Variants in TASP1 observed in about 807,000 individuals in gnomAD.
TASP1 encodes taspase 1, also known as threonine aspartase 1.
A neutral mutation model predicts 56.6 loss-of-function variants in TASP1; 16 were observed. The observed-to-expected ratio is 0.28, with a 90% CI of 0.19 to 0.43. The LOEUF is 0.43. Among genes scored for constraint, TASP1 ranks in the 20% least tolerant of loss-of-function variants. The probability of loss-of-function intolerance (pLI) is 1.00; values close to 1 mark genes in which losing one functional copy is unlikely to be tolerated. For missense variants in TASP1, 393 were observed against 511.6 expected, an observed-to-expected ratio of 0.77 and a Z score of 2.24; for synonymous variants, 179 against 184.2, an observed-to-expected ratio of 0.97 and a Z score of 0.23.
chr20:13,266,355 A>G, the TASP1 span, among the ~76,000 whole-genome samples: 1 of 152,204 alleles, frequency 6.6e-6, no homozygotes, highest in African/African-American at 2.4e-5. Context: ...AGGAGCACCA[A>G]GCAGTAGCTA....
chr20:13,139,884 G>A, the TASP1 span, among the ~76,000 whole-genome samples: 2 of 152,182 alleles, frequency 1.3e-5, no homozygotes, highest in African/African-American at 4.8e-5. Context: ...ACTGAATATG[G>A]ATCTCTCCTC....
chr20:13,450,848 T>C (rs1161046547), intron 11 of TASP1, among the ~76,000 whole-genome samples: 2 of 152,092 alleles, frequency 1.3e-5, no homozygotes, highest in East Asian at 3.9e-4. Flanking sequence ...TGACCCAGAT[T>C]TCAAAAGCAA....
the TASP1 span, among the ~76,000 whole-genome samples, chr20:13,183,758 G>T: frequency 6.6e-6 from 1 of 152,252 alleles, no homozygotes; most frequent in East Asian, 1.9e-4. Flanking sequence ...GACCGGGCGT[G>T]GTGGCTCACG....
At chr20:13,206,583 G>A in the TASP1 span, among the ~76,000 whole-genome samples, 1 of 152,140 alleles carries the variant, frequency 6.6e-6, no homozygotes, top group Non-Finnish European at 1.5e-5. Context: ...GAGGGAGGAA[G>A]GCCTGCACAA....
At chr20:13,178,441 A>G in the TASP1 span, among the ~76,000 whole-genome samples, 2 of 152,144 alleles carry the variant, frequency 1.3e-5, no homozygotes, top group African/African-American at 4.8e-5. Context: ...CGGAAGAGAC[A>G]TATGCACTCC....
At chr20:13,627,974 A>G (rs1176009149) in intron 2 of TASP1, among the ~76,000 whole-genome samples, 1 of 152,198 alleles carries the variant, frequency 6.6e-6, no homozygotes, top group African/African-American at 2.4e-5. Flanking sequence ...TAACTTATGC[A>G]CTGGTCTCCT....
chr20:13,475,943 C>G (rs1214869897), intron 11 of TASP1, among the ~76,000 whole-genome samples: 1 of 151,164 alleles, frequency 6.6e-6, no homozygotes, highest in Non-Finnish European at 1.5e-5. Context: ...CACGGTGAAA[C>G]CCCGTCTCTA....
the TASP1 span, among the ~76,000 whole-genome samples, chr20:13,336,732 C>A: frequency 6.6e-6 from 1 of 151,136 alleles, no homozygotes; most frequent in African/African-American, 2.5e-5. Flanking sequence ...TCAATGTTTT[C>A]TGCCTAAAAA....
At chr20:13,366,230 G>A in the TASP1 span, among the ~76,000 whole-genome samples, 1 of 152,154 alleles carries the variant, frequency 6.6e-6, no homozygotes, top group Non-Finnish European at 1.5e-5. Flanking sequence ...TGGGAGGCGT[G>A]ATATTTGATA....
chr20:13,346,655 A>T, the TASP1 span, among the ~76,000 whole-genome samples: 5 of 152,220 alleles, frequency 3.3e-5, no homozygotes, highest in Non-Finnish European at 7.3e-5. Context: ...GAGGACAGCA[A>T]AACTCAACAT....
chr20:13,634,484 C>G (rs1027399461), intron 1 of TASP1, among the ~76,000 whole-genome samples: 4 of 152,150 alleles, frequency 2.6e-5, no homozygotes, highest in Non-Finnish European at 4.4e-5. Context: ...AATCCTAGCA[C>G]TTTGGGAGGT....
chr20:13,474,752 G>A (rs1203736607), intron 11 of TASP1, among the ~76,000 whole-genome samples: 1 of 152,164 alleles, frequency 6.6e-6, no homozygotes, highest in Non-Finnish European at 1.5e-5. Flanking sequence ...ATTTCTACCA[G>A]CAGTGTAAAA....
chr20:13,394,446 T>A (rs1361655147), intron 13 of TASP1, among the ~76,000 whole-genome samples: 1 of 150,962 alleles, frequency 6.6e-6, no homozygotes, highest in Non-Finnish European at 1.5e-5. Flanking sequence ...CCGTCTCTAC[T>A]AAAAATACAA....
chr20:13,618,073 G>A (rs2048583498), intron 4 of TASP1, among the ~76,000 whole-genome samples: 1 of 152,014 alleles, frequency 6.6e-6, no homozygotes, highest in Non-Finnish European at 1.5e-5. Flanking sequence ...CTACTCAAGT[G>A]TGACCAACAT....
chr20:13,132,089 T>C, the TASP1 span, among the ~76,000 whole-genome samples: 1 of 151,874 alleles, frequency 6.6e-6, no homozygotes. Context: ...CCCTTTCTGC[T>C]GAAAATCTGC....
chr20:13,273,193 T>C, the TASP1 span, among the ~76,000 whole-genome samples: 1 of 150,062 alleles, frequency 6.7e-6, no homozygotes, highest in East Asian at 1.9e-4. Flanking sequence ...TCCCATTCCC[T>C]ACCTAGACCT....
At chr20:13,305,567 A>G in the TASP1 span, among the ~76,000 whole-genome samples, 1 of 152,238 alleles carries the variant, frequency 6.6e-6, no homozygotes, top group Non-Finnish European at 1.5e-5. Context: ...AATTTCGGAC[A>G]AATTAAAGGC....
chr20:13,598,675 A>T (rs1347841581), intron 4 of TASP1, among the ~76,000 whole-genome samples: 1 of 152,138 alleles, frequency 6.6e-6, no homozygotes, highest in Non-Finnish European at 1.5e-5. Flanking sequence ...AAGCCAAAAT[A>T]GACAAATGGG....
rs1222857164 is a variant in TASP1, at chr20:13,534,025, C to T, written c.792G>A (p.Gly264=). Residue 264 remains glycine, a synonymous_variant, in exon 9 of 14, where the codon GGG becomes GGA. Coordinates refer to ENST00000337743, the MANE Select transcript of TASP1 (RefSeq NM_017714.3). ...TAAAAAACCCATAATTACTTACCTG[C>T]CCAACTCTCCCCGGATGTTTCAAGG... The part of the protein sequence containing the change: ...GLALKHPGRV[G]QAALYGCGCW... 2.5e-6 allele frequency: 4 copies of T among 1,611,936 alleles called. No homozygotes were observed. The highest frequency in any genetic ancestry group is 1.7e-5 in the Admixed American group (1 of 59,552).
Sources: allele counts gnomAD v4.1 joint callset (sites outside exome capture counted in the v4.1 genomes callset), GRCh38; gene constraint gnomAD v4.1.1; transcripts MANE v1.5; gene names NCBI Gene and HGNC (gene_info 2026-07-23, HGNC 2026-07-21).